The following SLC5A12 variants were observed in gnomAD, a reference collection of about 807,000 sequenced individuals.
SLC5A12 encodes solute carrier family 5 member 12.
A neutral mutation model predicts 72.7 loss-of-function variants in SLC5A12; 46 were observed. The ratio of observed to expected loss-of-function variants is 0.63; its 90% CI spans 0.50 to 0.81. The LOEUF (loss-of-function observed/expected upper bound fraction) is 0.81, where lower values mean the gene tolerates loss of function less well. Among genes scored for constraint, SLC5A12 ranks in the 30% least tolerant of loss-of-function variants. The pLI is 0.00. For missense variants in SLC5A12, 683 were observed against 740.7 expected (o/e 0.92, Z 0.90); for synonymous variants, 275 against 264.4 (o/e 1.04, Z -0.39).
chr11:26,717,153 G>A (rs1855369322), intron 1 of SLC5A12, among the ~76,000 whole-genome samples: 1 of 152,038 alleles, frequency 6.6e-6, no homozygotes, highest in Non-Finnish European at 1.5e-5. Flanking sequence ...TTATTTGAAG[G>A]AGAACTAAAA....
intron 6 of SLC5A12, among the ~76,000 whole-genome samples, chr11:26,698,776 A>G (rs1266746501): frequency 3.3e-5 from 5 of 152,212 alleles, no homozygotes; most frequent in Non-Finnish European, 7.3e-5. Flanking sequence ...TTTTCCTTTG[A>G]AATCAAGAGT....
In SLC5A12 at chr11:26,681,162, G is replaced by A; in HGVS notation, c.1368C>T (p.Ala456=). The stretch of plus-strand genomic sequence containing the variant: ...TAGAGGCTGGTGCAGGGTAAATGAA[G>A]GCCCCAATGGCCACCCAAAATGACA... ...ITLSFWVAIG[A]FIYPAPASKT... Residue 456 remains alanine (A), a synonymous_variant, in exon 12 of 15, where the codon GCC becomes GCT. Coordinates refer to ENST00000396005, the MANE Select transcript of SLC5A12 (RefSeq NM_178498.4). 1.2e-6 allele frequency: 2 copies of A among 1,611,362 alleles called. No individual in the cohort carries two copies. The highest frequency in any genetic ancestry group is 8.5e-7 in the Non-Finnish European group (1 of 1,178,762).
At chr11:26,674,518 G>C (rs552053714) in intron 13 of SLC5A12, among the ~76,000 whole-genome samples, 2 of 152,112 alleles carry the variant, frequency 1.3e-5, no homozygotes, top group Non-Finnish European at 2.9e-5. Context: ...TCCTGCCTCA[G>C]CCTCTGGAGT....
intron 9 of SLC5A12, among the ~76,000 whole-genome samples, chr11:26,687,456 T>C (rs1048716995): frequency 3.9e-5 from 6 of 152,162 alleles, no homozygotes; most frequent in African/African-American, 9.7e-5. Context: ...TGACTATTAA[T>C]TCAATCTTAT....
intron 1 of SLC5A12, chr11:26,716,328 C>A (rs976681238): frequency 6.6e-6 from 1 of 152,176 alleles, no homozygotes; most frequent in African/African-American, 2.4e-5. Context: ...GCATCTCACT[C>A]TGTGATCTGT....
At chr11:26,720,324 C>CATAAATAAATAAATAAATAAATAA (rs142328311) in intron 1 of SLC5A12, among the ~76,000 whole-genome samples, 2 of 145,086 alleles carry the variant, frequency 1.4e-5, no homozygotes, top group Non-Finnish European at 3.0e-5. Context: ...AGCCCCATCT[C>CATAAATAAATAAATAAATAAATAA]ATAAATAAAT....
In SLC5A12 at chr11:26,667,597, T is replaced by G. The variant is rs2133119104; in HGVS notation, c.*3505A>C. ...CTGTGCAATGAGTAATAAACTTGGG[T>G]TGAGATGCTGTTTATTTATCAAGGT... On this transcript the variant is annotated 3_prime_UTR_variant, in exon 15 of 15. Coordinates refer to ENST00000396005, the MANE Select transcript of SLC5A12 (RefSeq NM_178498.4). 6.6e-6 allele frequency: 1 copy of G among 152,100 alleles called. No homozygotes were observed. Among genetic ancestry groups the G allele is most frequent in the South Asian group, 2.1e-4 (1 of 4,830 alleles). The allele number at this position is 152,100 out of a possible 1,614,324, so 9.4% of individuals were successfully genotyped here.
At chr11:26,716,451 T>C (rs1255232135) in intron 1 of SLC5A12, 1 of 152,218 alleles carries the variant, frequency 6.6e-6, no homozygotes, top group East Asian at 1.9e-4. Flanking sequence ...CATTCAGTGG[T>C]CACCTTTGGT....
chr11:26,674,697 C>T (rs1854226826), intron 13 of SLC5A12, among the ~76,000 whole-genome samples: 1 of 152,290 alleles, frequency 6.6e-6, no homozygotes, highest in South Asian at 2.1e-4. Context: ...GCCACTATGC[C>T]TGGCCCAAAA....
At chr11:26,682,251 CT>C (rs1387347115) in intron 11 of SLC5A12, among the ~76,000 whole-genome samples, 1 of 151,960 alleles carries the variant, frequency 6.6e-6, no homozygotes, top group Non-Finnish European at 1.5e-5. Flanking sequence ...CTTCTTTTGA[CT>C]TTTTTCCCAA....
intron 3 of SLC5A12, 146 bp downstream of exon 3, chr11:26,711,161 G>T: frequency 1.5e-6 from 1 of 657,188 alleles, no homozygotes; most frequent in Non-Finnish European, 2.7e-6. Flanking sequence ...AATATTTAGA[G>T]CTTTATGTAA....
chr11:26,676,340 A>T (rs1854264492), intron 13 of SLC5A12, among the ~76,000 whole-genome samples: 1 of 151,044 alleles, frequency 6.6e-6, no homozygotes, highest in Non-Finnish European at 1.5e-5. Flanking sequence ...ATAAATGGGC[A>T]AGCTCTGTTT....
chr11:26,685,571 G>A (rs1184265852), intron 10 of SLC5A12, among the ~76,000 whole-genome samples: 1 of 151,460 alleles, frequency 6.6e-6, no homozygotes, highest in Admixed American at 6.6e-5. Context: ...TCACACTACT[G>A]TAATCCAGCC....
At chr11:26,717,195 G>A (rs1855370345) in intron 1 of SLC5A12, among the ~76,000 whole-genome samples, 1 of 152,120 alleles carries the variant, frequency 6.6e-6, no homozygotes, top group Non-Finnish European at 1.5e-5. Context: ...AGTATGTAAT[G>A]TATAAATGCT....
intron 6 of SLC5A12, among the ~76,000 whole-genome samples, chr11:26,702,145 A>G (rs1173515532): frequency 2.0e-5 from 3 of 152,222 alleles, no homozygotes; most frequent in African/African-American, 4.8e-5. Context: ...TCAAAGTCAC[A>G]TGCATTTTCA....
At chr11:26,714,533 T>G (rs2133218110) in intron 1 of SLC5A12, among the ~76,000 whole-genome samples, 1 of 152,284 alleles carries the variant, frequency 6.6e-6, no homozygotes, top group East Asian at 1.9e-4. Flanking sequence ...CTAGAAGACA[T>G]TAATATATGT....
intron 9 of SLC5A12, among the ~76,000 whole-genome samples, chr11:26,691,459 A>T (rs1401577533): frequency 2.8e-5 from 4 of 143,668 alleles, no homozygotes; most frequent in African/African-American, 1.1e-4. Flanking sequence ...AGGTTTATGT[A>T]CATGTTTTTT....
chr11:26,695,129 G>T lies in SLC5A12; in HGVS notation c.1040+2035C>A, dbSNP rs535124193. Among the ~76,000 whole-genome samples, 3 of 151,882 alleles carry T rather than the reference G, an allele frequency of 2.0e-5. No homozygotes were observed. In the South Asian group the frequency reaches 6.3e-4, roughly 32 times the overall value. On this transcript the variant is annotated intron_variant, in intron 8 of 14. Coordinates refer to ENST00000396005, the MANE Select transcript of SLC5A12 (RefSeq NM_178498.4). ...AACCCCTAGATATCAGGAAAATTCT[G>T]TAAAATAAAATTAATTAAGGTATTA...
At position 26,680,963 on chromosome 11, in the gene SLC5A12, T is replaced by G; in HGVS notation, c.1475+92A>C. The G allele has an allele frequency of 5.1e-6, 6 of 1,174,274 alleles. No individual in the cohort carries two copies. The South Asian group carries it at 9.1e-5, about 18-fold the overall frequency. 72.7% of individuals were successfully genotyped at this position (1,174,274 alleles called of 1,614,324 possible). A position where few individuals can be genotyped will look rare whatever the true frequency, so the allele number is the denominator to read the frequency against. On this transcript the variant is annotated intron_variant, in intron 12 of 14. Transcript: ENST00000396005. ...GTGAGTCTCATAAGAGAACAAGATATGTCTCATCACACTTATCTCTGAAGA... is the reference window on the plus strand; with the variant it reads ...GTGAGTCTCATAAGAGAACAAGATAGGTCTCATCACACTTATCTCTGAAGA...
Sources: gnomAD v4.1 joint callset for allele counts (sites outside exome capture counted in the v4.1 genomes callset) on GRCh38, gnomAD v4.1.1 for gene constraint, MANE v1.5 for transcripts, NCBI Gene and HGNC (gene_info 2026-07-23, HGNC 2026-07-21) for gene names.